TRHDE: variants seen among roughly 807,000 people sequenced by gnomAD.
TRHDE encodes thyrotropin releasing hormone degrading enzyme.
TRHDE carries 72 observed loss-of-function variants against 125.7 expected under a neutral mutation model. The ratio of observed to expected loss-of-function variants is 0.57; its 90% CI spans 0.47 to 0.70. The LOEUF is 0.70. TRHDE is among the 30% of genes least tolerant of loss of function. The pLI is 0.00. For synonymous variants in TRHDE, 509 were observed against 509.1 expected (o/e 1.00, Z 0.00); for missense variants, 1,110 against 1,327.1 (o/e 0.84, Z 2.54).
intron 7 of TRHDE, among the ~76,000 whole-genome samples, chr12:72,551,628 C>A (rs1294953908): frequency 6.6e-6 from 1 of 152,074 alleles, no homozygotes; most frequent in African/African-American, 2.4e-5. Context: ...TATTATGCAT[C>A]TAGTCTATGT....
At chr12:72,291,361 C>G (rs1880080885) in intron 2 of TRHDE, among the ~76,000 whole-genome samples, 1 of 152,224 alleles carries the variant, frequency 6.6e-6, no homozygotes, top group South Asian at 2.1e-4. Context: ...TGAAACCCAA[C>G]TGGGCACATG....
chr12:72,658,536 C>T lies in TRHDE; in HGVS notation c.3066+1528C>T, dbSNP rs947463930. Reference sequence around the variant, plus strand: ...TCTTCTTCTTGCTTTCCTCTAACTCCGTTTGCCTTTCATATTTTCCTGGAC... The same window carrying T: ...TCTTCTTCTTGCTTTCCTCTAACTCTGTTTGCCTTTCATATTTTCCTGGAC... On this transcript the variant is annotated intron_variant, in intron 18 of 18. Transcript: ENST00000261180. Among the ~76,000 whole-genome samples the T allele has an allele frequency of 5.3e-5, 8 of 152,066 alleles. 1 individual carries two copies. The highest frequency in any genetic ancestry group is 4.1e-4 in the South Asian group (2 of 4,820).
intron 2 of TRHDE, among the ~76,000 whole-genome samples, chr12:72,109,930 T>C (rs1875278512): frequency 6.6e-6 from 1 of 152,118 alleles, no homozygotes; most frequent in South Asian, 2.1e-4. Flanking sequence ...TCAGAGATGA[T>C]GGAAAAGTCT....
chr12:72,172,941 T>C (rs1406469020), intron 2 of TRHDE, among the ~76,000 whole-genome samples: 2 of 152,210 alleles, frequency 1.3e-5, no homozygotes, highest in African/African-American at 4.8e-5. Context: ...CCAAAGGCTC[T>C]GCTGCCCTAG....
At chr12:72,506,297 CA>C (rs1878355903) in intron 6 of TRHDE, among the ~76,000 whole-genome samples, 1 of 151,892 alleles carries the variant, frequency 6.6e-6, no homozygotes, top group East Asian at 1.9e-4. Flanking sequence ...GACAAGAGAG[CA>C]AAATCCTATT....
chr12:72,588,763 A>T (rs995548049), intron 12 of TRHDE, among the ~76,000 whole-genome samples: 5 of 152,176 alleles, frequency 3.3e-5, no homozygotes, highest in African/African-American at 1.2e-4. Context: ...GTCCATTCTC[A>T]TGCTGCTATG....
Position 72,621,141 on chromosome 12 carries a change from A to T in TRHDE, c.2503A>T (p.Ile835Phe). Reference protein sequence around the residue: ...YILKQVATTYIKLGWPKNNFN... With the variant: ...YILKQVATTYFKLGWPKNNFN... ...TTTAAAGCAAGTTGCAACAACATAT[A>T]TCAAGCTTGGGTGGCCGAAAAATAA... The change falls in exon 14 of 19, where the codon ATC (isoleucine) becomes TTC (phenylalanine). Residue 835 changes from isoleucine (I) to phenylalanine (F), a missense_variant. Transcript: ENST00000261180. 1.2e-6 allele frequency: 2 copies of T among 1,611,958 alleles called. No individual in the cohort carries two copies. Among genetic ancestry groups the T allele is most frequent in the Non-Finnish European group, 1.7e-6 (2 of 1,178,536 alleles).
chr12:72,146,232 A>G (rs1215972167), intron 2 of TRHDE, among the ~76,000 whole-genome samples: 1 of 152,172 alleles, frequency 6.6e-6, no homozygotes, highest in African/African-American at 2.4e-5. Context: ...TAAATACTCA[A>G]GGAGATGTGT....
chr12:72,407,685 C>T (rs1010540792), intron 3 of TRHDE, among the ~76,000 whole-genome samples: 34 of 152,144 alleles, frequency 2.2e-4, no homozygotes, highest in Admixed American at 2.2e-3. Flanking sequence ...TCATTTAATT[C>T]ACTTTTCTCT....
chr12:72,320,958 G>A (rs889831781), intron 2 of TRHDE, among the ~76,000 whole-genome samples: 1 of 152,128 alleles, frequency 6.6e-6, no homozygotes, highest in Non-Finnish European at 1.5e-5. Flanking sequence ...ACTGTAAAGA[G>A]CTATAGGTAA....
intron 2 of TRHDE, among the ~76,000 whole-genome samples, chr12:72,126,777 A>G (rs1875722343): frequency 6.6e-6 from 1 of 152,210 alleles, no homozygotes; most frequent in Non-Finnish European, 1.5e-5. Flanking sequence ...ACCACTCTGG[A>G]CATTGGCTTT....
chr12:72,138,391 A>C (rs578060838), intron 2 of TRHDE, among the ~76,000 whole-genome samples: 139 of 152,282 alleles, frequency 9.1e-4, no homozygotes, highest in Non-Finnish European at 1.4e-3. Context: ...CCCAAAAACC[A>C]AAGCCAAACC....
chr12:72,549,347 C>A (rs1869564445), intron 7 of TRHDE, among the ~76,000 whole-genome samples: 1 of 151,758 alleles, frequency 6.6e-6, no homozygotes, highest in African/African-American at 2.4e-5. Context: ...TGTAGGTTTT[C>A]AGATAAGTAA....
intron 2 of TRHDE, among the ~76,000 whole-genome samples, chr12:72,122,641 C>T (rs866068019): frequency 6.6e-5 from 10 of 151,890 alleles, no homozygotes; most frequent in Middle Eastern, 6.9e-3. Flanking sequence ...TAACTCAAAA[C>T]ACTTAGAGTT....
intron 1 of TRHDE, among the ~76,000 whole-genome samples, chr12:72,092,790 TG>T (rs1289390603): frequency 6.6e-6 from 1 of 152,206 alleles, no homozygotes; most frequent in Non-Finnish European, 1.5e-5. Context: ...TGACTATTGC[TG>T]GAAGAAAGGT....
intron 2 of TRHDE, among the ~76,000 whole-genome samples, chr12:72,145,714 T>C (rs1203990972): frequency 6.6e-6 from 1 of 152,212 alleles, no homozygotes; most frequent in Non-Finnish European, 1.5e-5. Context: ...TCGTTTTGTT[T>C]TCTTTATGAA....
At chr12:72,317,804 CG>C (rs34928429) in intron 2 of TRHDE, among the ~76,000 whole-genome samples, 1 of 151,938 alleles carries the variant, frequency 6.6e-6, no homozygotes. Flanking sequence ...GAACATTCAA[CG>C]GATAACAATG....
chr12:72,421,295 T>C lies in TRHDE; in HGVS notation c.1315+43174T>C, dbSNP rs1377389829. On this transcript the variant is annotated intron_variant, in intron 3 of 18. Coordinates refer to ENST00000261180, the MANE Select transcript of TRHDE (RefSeq NM_013381.3). ...GAGATCCTAGGGCTGGAGGTGACTC[T>C]TGAATGGCTGGGTTATAATTTGGAG... Among the ~76,000 whole-genome samples, 5 of 152,298 alleles carry C rather than the reference T, an allele frequency of 3.3e-5. No homozygotes were observed. The East Asian group carries it at 7.7e-4, about 24-fold the overall frequency.
At chr12:72,573,271 C>T (rs1191859358) in intron 10 of TRHDE, among the ~76,000 whole-genome samples, 3 of 151,730 alleles carry the variant, frequency 2.0e-5, no homozygotes, top group Non-Finnish European at 3.0e-5. Flanking sequence ...GGTATTTTCT[C>T]GTTTATTTAT....
Sources: gnomAD v4.1 joint callset for allele counts (sites outside exome capture counted in the v4.1 genomes callset) on GRCh38, gnomAD v4.1.1 for gene constraint, MANE v1.5 for transcripts, NCBI Gene and HGNC (gene_info 2026-07-23, HGNC 2026-07-21) for gene names.